The following VMAC variants were observed in gnomAD, a reference collection of about 807,000 sequenced individuals.
The protein encoded by VMAC is vimentin-type intermediate filament-associated coiled-coil protein.
In VMAC, 8 loss-of-function variants were observed where a neutral mutation model predicts 4.8. The observed-to-expected ratio is 1.68, with a 90% CI of 0.99 to 3.03. The LOEUF (loss-of-function observed/expected upper bound fraction) is 3.03. Among genes scored for constraint, VMAC ranks in the 30% most tolerant of loss-of-function variants. The pLI is 0.00. For synonymous variants in VMAC, 96 were observed against 113.7 expected (o/e 0.84, Z 0.99); for missense variants, 248 against 245.1 (o/e 1.01, Z -0.08).
chr19:5,906,439 G>A (rs542767), intron 1 of VMAC, among the ~76,000 whole-genome samples: 99,417 of 152,106 alleles, frequency 0.65, 32,733 homozygotes, highest in Admixed American at 0.77. Context: ...TCATTCATTC[G>A]TCTTCATTGA....
At position 5,910,693 on chromosome 19, in the gene VMAC, C is replaced by T. The variant is rs2057694782; in HGVS notation, c.*1551C>T. 1 of 151,274 alleles carries T rather than the reference C, an allele frequency of 6.6e-6. No individual in the cohort carries two copies. Among genetic ancestry groups the T allele is most frequent in the African/African-American group, 2.4e-5 (1 of 41,052 alleles). The allele number at this position is 151,274 out of a possible 1,614,324, so 9.4% of individuals were successfully genotyped here. The stretch of plus-strand genomic sequence containing the variant: ...TCAAAGAAAACAACAACAACAACAA[C>T]AACAACAACAACAACAACAAACAGA... On this transcript the variant is annotated 3_prime_UTR_variant, in exon 2 of 2. Coordinates refer to ENST00000339485, the MANE Select transcript of VMAC (RefSeq NM_001017921.4).
Position 5,909,110 on chromosome 19 carries a change from C to A in VMAC, c.478C>A (p.Leu160Ile). 2 of 1,550,812 alleles carry A rather than the reference C, an allele frequency of 1.3e-6. No individual in the cohort carries two copies. The highest frequency in any genetic ancestry group is 1.9e-5 in the Admixed American group (1 of 51,964). Residue 160 changes from leucine to isoleucine, a missense_variant, in exon 2 of 2, where the codon CTC becomes ATC. Coordinates refer to ENST00000339485, the MANE Select transcript of VMAC (RefSeq NM_001017921.4). ...STGEEADRDH[L>I]QPAVFGTTV ...TGGGGAAGAGGCGGACAGGGACCACCTCCAGCCTGCAGTGTTTGGGACCAC... is the reference window on the plus strand; with the variant it reads ...TGGGGAAGAGGCGGACAGGGACCACATCCAGCCTGCAGTGTTTGGGACCAC...
Position 5,909,192 on chromosome 19 carries a change from G to A in VMAC, c.*50G>A. 1.3e-6 allele frequency: 2 copies of A among 1,510,850 alleles called. No homozygotes were observed. The highest frequency in any genetic ancestry group is 1.7e-4 in the Middle Eastern group (1 of 5,836). 93.6% of individuals were successfully genotyped at this position (1,510,850 alleles called of 1,614,324 possible). On this transcript the variant is annotated 3_prime_UTR_variant, in exon 2 of 2. Coordinates refer to ENST00000339485, the MANE Select transcript of VMAC (RefSeq NM_001017921.4). ...GAGACAGAAAGCCACTGCTGTCAGT[G>A]TCCTTGGGAGTCACCAGCACCCTGC... is the stretch of plus-strand genomic sequence containing the variant.
chr19:5,906,404 C>T (rs1335657380), intron 1 of VMAC, among the ~76,000 whole-genome samples: 5 of 152,192 alleles, frequency 3.3e-5, no homozygotes, highest in African/African-American at 4.8e-5. Context: ...TCATTTTTAC[C>T]GAGCACCTGC....
rs2057692457 is a variant in VMAC, at chr19:5,910,051, C to G, written c.*909C>G. Reference sequence around the variant, plus strand: ...GGCGAGGGGCACAGCCTGTTTCAGACCAGAAAGGTCGGAGGCCACCCACGG... The same window carrying G: ...GGCGAGGGGCACAGCCTGTTTCAGAGCAGAAAGGTCGGAGGCCACCCACGG... On this transcript the variant is annotated 3_prime_UTR_variant, in exon 2 of 2. Transcript: ENST00000339485. 6.6e-6 allele frequency: 1 copy of G among 152,176 alleles called. No individual in the cohort carries two copies. The highest frequency in any genetic ancestry group is 2.1e-4 in the South Asian group (1 of 4,830). The allele number at this position is 152,176 out of a possible 1,614,324, so 9.4% of individuals were successfully genotyped here.
At position 5,909,224 on chromosome 19, in the gene VMAC, A is replaced by G; in HGVS notation, c.*82A>G. 7.0e-7 allele frequency: 1 copy of G among 1,438,672 alleles called. No individual in the cohort carries two copies. The highest frequency in any genetic ancestry group is 9.2e-7 in the Non-Finnish European group (1 of 1,083,528). 89.1% of individuals were successfully genotyped at this position (1,438,672 alleles called of 1,614,324 possible). On this transcript the variant is annotated 3_prime_UTR_variant, in exon 2 of 2. Transcript: ENST00000339485. ...GGAGTCACCAGCACCCTGCAGGGGG[A>G]CCCTACGGCAGAGCCAAAGTCCTGT...
intron 1 of VMAC, among the ~76,000 whole-genome samples, chr19:5,907,578 G>A (rs1375168620): frequency 8.3e-6 from 1 of 121,002 alleles, no homozygotes; most frequent in Non-Finnish European, 1.6e-5. Flanking sequence ...TTTGAGACCA[G>A]CCTGGCCAAC....
chr19:5,908,306 G>C lies in VMAC; in HGVS notation c.192-518G>C, dbSNP rs1249355203. 6.6e-6 allele frequency among the ~76,000 whole-genome samples: 1 copy of C among 152,038 alleles called. No homozygotes were observed. The highest frequency in any genetic ancestry group is 1.5e-5 in the Non-Finnish European group (1 of 68,010). ...ACTGAACTCCAGCCTGGGCAACAGA[G>C]CGAGACTGTCTCAGAAATTATAATA... is the stretch of plus-strand genomic sequence containing the variant. On this transcript the variant is annotated intron_variant, in intron 1 of 1. Transcript: ENST00000339485. This position sits in a 1 kb window ranked among gnomAD's most constrained non-coding sequence, Gnocchi z 4.5.
At position 5,909,258 on chromosome 19, in the gene VMAC, C is replaced by G; in HGVS notation, c.*116C>G. The G allele has an allele frequency of 8.2e-7, 1 of 1,217,854 alleles. No individual in the cohort carries two copies. The highest frequency in any genetic ancestry group is 1.5e-5 in the South Asian group (1 of 67,166). The allele number at this position is 1,217,854 out of a possible 1,614,324, so 75.4% of individuals were successfully genotyped here. A position where few individuals can be genotyped will look rare whatever the true frequency, so the allele number is the denominator to read the frequency against. ...CAGAGCCAAAGTCCTGTCTAAGCAT[C>G]AGAACAGGCTGAACAGTCAAAAAGT... On this transcript the variant is annotated 3_prime_UTR_variant, in exon 2 of 2. Transcript: ENST00000339485.
At position 5,909,205 on chromosome 19, in the gene VMAC, A is replaced by G; in HGVS notation, c.*63A>G. On this transcript the variant is annotated 3_prime_UTR_variant, in exon 2 of 2. Coordinates refer to ENST00000339485, the MANE Select transcript of VMAC (RefSeq NM_001017921.4). The stretch of plus-strand genomic sequence containing the variant: ...ACTGCTGTCAGTGTCCTTGGGAGTC[A>G]CCAGCACCCTGCAGGGGGACCCTAC... The G allele has an allele frequency of 2.0e-6, 3 of 1,492,068 alleles. No individual in the cohort carries two copies. The highest frequency in any genetic ancestry group is 2.7e-6 in the Non-Finnish European group (3 of 1,123,442). 92.4% of individuals were successfully genotyped at this position (1,492,068 alleles called of 1,614,324 possible). A position where few individuals can be genotyped will look rare whatever the true frequency, so the allele number is the denominator to read the frequency against.
In VMAC at chr19:5,906,824, A is replaced by G. The variant is rs567416071; in HGVS notation, c.191+1743A>G. Reference sequence around the variant, plus strand: ...CAGATCACCTGAGGTCAGGAGTTCGAGACCAGCCTGGCCAACATGGCGAAA... The same window carrying G: ...CAGATCACCTGAGGTCAGGAGTTCGGGACCAGCCTGGCCAACATGGCGAAA... On this transcript the variant is annotated intron_variant, in intron 1 of 1. Transcript: ENST00000339485. 5.9e-5 allele frequency among the ~76,000 whole-genome samples: 9 copies of G among 152,342 alleles called. No homozygotes were observed. The East Asian group carries it at 1.7e-3, about 29-fold the overall frequency.
At chr19:5,905,188 A>G in intron 1 of VMAC, 107 bp downstream of exon 1, 4 of 1,163,838 alleles carry the variant, frequency 3.4e-6, no homozygotes, top group Non-Finnish European at 4.4e-6. Flanking sequence ...ACTTGTATAG[A>G]CGCTAGACTG....
rs892632692 is a variant in VMAC at position 5,905,570 on chromosome 19, C to T, written c.191+489C>T. On this transcript the variant is annotated intron_variant, in intron 1 of 1. Coordinates refer to ENST00000339485, the MANE Select transcript of VMAC (RefSeq NM_001017921.4). ...GTGTAGCTGGGATTACAGGCGCCCG[C>T]CACCACGCCCGGTCGATTTTTTGTA... is the stretch of plus-strand genomic sequence containing the variant. Among the ~76,000 whole-genome samples, 3 of 152,196 alleles carry T rather than the reference C, an allele frequency of 2.0e-5. No homozygotes were observed. In the South Asian group the frequency reaches 6.2e-4, roughly 32 times the overall value.
rs370337073 is a variant in VMAC at position 5,909,583 on chromosome 19, G to A, written c.*441G>A. Reference sequence around the variant, plus strand: ...CAACCTCCGCCTCCCAGGTTCAAGCGATTCTCCTGTCTCATCCTTCAGAGT... The same window carrying A: ...CAACCTCCGCCTCCCAGGTTCAAGCAATTCTCCTGTCTCATCCTTCAGAGT... On this transcript the variant is annotated 3_prime_UTR_variant, in exon 2 of 2. Transcript: ENST00000339485. The A allele has an allele frequency of 3.8e-4, 65 of 169,644 alleles. 1 individual carries two copies. In the South Asian group the frequency reaches 7.2e-3, roughly 19 times the overall value. The allele number at this position is 169,644 out of a possible 1,614,324, so 10.5% of individuals were successfully genotyped here.
chr19:5,908,241 G>T lies in VMAC; in HGVS notation c.192-583G>T, dbSNP rs1221674409. Among the ~76,000 whole-genome samples the T allele has an allele frequency of 6.6e-6, 1 of 152,228 alleles. No individual in the cohort carries two copies. Among genetic ancestry groups the T allele is most frequent in the African/African-American group, 2.4e-5 (1 of 41,452 alleles). ...TGCCTGTAAACCCAGCTACTCGGGA[G>T]GTTGAGGAGGACAGTTTGAACCTGG... On this transcript the variant is annotated intron_variant, in intron 1 of 1. Coordinates refer to ENST00000339485, the MANE Select transcript of VMAC (RefSeq NM_001017921.4). The surrounding 1 kb of genome is among the most constrained non-coding windows in gnomAD (Gnocchi z 4.5).
In VMAC at chr19:5,908,116, G is replaced by C. The variant is rs1264786201; in HGVS notation, c.192-708G>C. ...CCCAGTACTTTGGGAGGCCAAGGCG[G>C]GTGGATCACTTGAGGTCAGGAGTTT... On this transcript the variant is annotated intron_variant, in intron 1 of 1. Transcript: ENST00000339485. This position sits in a 1 kb window ranked among gnomAD's most constrained non-coding sequence, Gnocchi z 4.5. 2.0e-5 allele frequency among the ~76,000 whole-genome samples: 3 copies of C among 152,338 alleles called. No individual in the cohort carries two copies. In the South Asian group the frequency reaches 6.2e-4, roughly 32 times the overall value.
chr19:5,905,196 C>T, intron 1 of VMAC, 115 bp downstream of exon 1: 1 of 1,135,362 alleles, frequency 8.8e-7, no homozygotes, highest in Non-Finnish European at 1.1e-6. Context: ...AGACGCTAGA[C>T]TGAGTATCGG....
Position 5,910,554 on chromosome 19 carries a change from G to A in VMAC, c.*1412G>A, listed in dbSNP as rs1169308800. ...TCTACTAAAAATACTAAAATTAGCC[G>A]GGCTTGGTGGCGGGTGCCTGTAATC... is the stretch of plus-strand genomic sequence containing the variant. On this transcript the variant is annotated 3_prime_UTR_variant, in exon 2 of 2. Transcript: ENST00000339485. 6.6e-6 allele frequency: 1 copy of A among 151,966 alleles called. No individual in the cohort carries two copies. Among genetic ancestry groups the A allele is most frequent in the Non-Finnish European group, 1.5e-5 (1 of 68,022 alleles). 9.4% of individuals were successfully genotyped at this position (151,966 alleles called of 1,614,324 possible). A position where few individuals can be genotyped will look rare whatever the true frequency, so the allele number is the denominator to read the frequency against.
chr19:5,905,159 G>A (rs1599700430), intron 1 of VMAC, 78 bp downstream of exon 1: 1 of 1,311,546 alleles, frequency 7.6e-7, no homozygotes, highest in Non-Finnish European at 9.7e-7. Flanking sequence ...AGCGAGGAAG[G>A]GCAGGGGGAA....
Sources: allele counts gnomAD v4.1 joint callset (sites outside exome capture counted in the v4.1 genomes callset), GRCh38; gene constraint gnomAD v4.1.1; non-coding constraint Gnocchi (gnomAD v3.1); transcripts MANE v1.5; gene names NCBI Gene and HGNC (gene_info 2026-07-23, HGNC 2026-07-21).